The following KIF26B variants were observed in gnomAD, a reference collection of about 807,000 sequenced individuals.
KIF26B encodes kinesin-like protein KIF26B.
KIF26B carries 63 observed loss-of-function variants against 151.2 expected under a neutral mutation model. That is an observed-to-expected ratio of 0.42 (90% CI 0.34 to 0.51). The LOEUF is 0.51. Ranked by LOEUF, KIF26B falls within the 20% of genes least tolerant of loss-of-function variation. The pLI is 0.07. For synonymous variants in KIF26B, 1,357 were observed against 1,262.1 expected (o/e 1.08, Z -1.59); for missense variants, 2,813 against 2,913.6 (o/e 0.97, Z 0.79).
At chr1:245,397,494 G>A (rs1673878089) in intron 3 of KIF26B, among the ~76,000 whole-genome samples, 1 of 152,144 alleles carries the variant, frequency 6.6e-6, no homozygotes, top group African/African-American at 2.4e-5. Flanking sequence ...GGGATTACAG[G>A]CATGATCCAC....
intron 2 of KIF26B, among the ~76,000 whole-genome samples, chr1:245,273,472 C>A (rs990410395): frequency 5.3e-5 from 8 of 150,466 alleles, no homozygotes; most frequent in African/African-American, 1.9e-4. Context: ...ATATTGAAAT[C>A]TCCTACTATT....
chr1:245,409,093 A>G (rs927015452), intron 3 of KIF26B, among the ~76,000 whole-genome samples: 2 of 152,096 alleles, frequency 1.3e-5, no homozygotes, highest in Non-Finnish European at 2.9e-5. Context: ...GTCGCTGAAA[A>G]CACCCCCCAA....
At chr1:245,236,853 C>T (rs1006754856) in intron 2 of KIF26B, among the ~76,000 whole-genome samples, 2 of 152,190 alleles carry the variant, frequency 1.3e-5, no homozygotes, top group Non-Finnish European at 2.9e-5. Context: ...GGGTGGCATG[C>T]AGTAGGTGCC....
intron 2 of KIF26B, among the ~76,000 whole-genome samples, chr1:245,176,047 G>A (rs1412233676): frequency 1.3e-5 from 2 of 151,500 alleles, no homozygotes; most frequent in Non-Finnish European, 2.9e-5. Context: ...CACTCTTGTT[G>A]CCCAGGCTGG....
chr1:245,379,987 A>AAAT (rs60861363), intron 3 of KIF26B, among the ~76,000 whole-genome samples: 12 of 151,042 alleles, frequency 7.9e-5, no homozygotes, highest in African/African-American at 1.7e-4. Context: ...AAAAAAAAAA[A>AAAT]GTCCTCACCT....
At chr1:245,605,780 C>T (rs1010240831) in intron 6 of KIF26B, among the ~76,000 whole-genome samples, 1 of 152,160 alleles carries the variant, frequency 6.6e-6, no homozygotes, top group Non-Finnish European at 1.5e-5. Context: ...TGACCACGCT[C>T]TTCTCAGTGG....
chr1:245,311,404 T>C (rs549048058), intron 2 of KIF26B, among the ~76,000 whole-genome samples: 1 of 151,926 alleles, frequency 6.6e-6, no homozygotes, highest in African/African-American at 2.4e-5. Flanking sequence ...GGCTGCTTTT[T>C]TGGGGAAGTT....
intron 2 of KIF26B, among the ~76,000 whole-genome samples, chr1:245,200,234 C>T (rs1020658236): frequency 1.3e-5 from 2 of 152,152 alleles, no homozygotes; most frequent in Non-Finnish European, 2.9e-5. Flanking sequence ...GGATGTAGGG[C>T]GACTACTGCA....
At chr1:245,274,594 G>A (rs1670908620) in intron 2 of KIF26B, among the ~76,000 whole-genome samples, 2 of 152,264 alleles carry the variant, frequency 1.3e-5, no homozygotes, top group Admixed American at 6.5e-5. Context: ...ATTCCATGGT[G>A]TATATGTGCC....
At chr1:245,430,546 A>G (rs1658752282) in intron 4 of KIF26B, among the ~76,000 whole-genome samples, 1 of 152,086 alleles carries the variant, frequency 6.6e-6, no homozygotes, top group Admixed American at 6.6e-5. Flanking sequence ...ACATACCTGT[A>G]ATCCTAGCTA....
intron 2 of KIF26B, among the ~76,000 whole-genome samples, chr1:245,300,524 T>A (rs543637598): frequency 2.7e-5 from 4 of 150,584 alleles, no homozygotes; most frequent in African/African-American, 9.9e-5. Context: ...AATTATTTTT[T>A]TTCTTTTTTC....
rs1441727354 is a variant in KIF26B at position 245,244,793 on chromosome 1, G to A, written c.465+88110G>A. Among the ~76,000 whole-genome samples the A allele has an allele frequency of 3.7e-5, 2 of 54,112 alleles. No homozygotes were observed. Among genetic ancestry groups the A allele is most frequent in the Non-Finnish European group, 5.5e-5 (1 of 18,148 alleles). The allele number at this position is 54,112 out of a possible 152,430, so 35.5% of individuals were successfully genotyped here. A position where few individuals can be genotyped will look rare whatever the true frequency, so the allele number is the denominator to read the frequency against. ...ACACACACACACACACACACACACA[G>A]AACTGCTTTGGACTTGGATACTTCC... On this transcript the variant is annotated intron_variant, in intron 2 of 14. Transcript: ENST00000407071. This position sits in a 1 kb window ranked among gnomAD's most constrained non-coding sequence, Gnocchi z 4.2.
chr1:245,599,989 T>G (rs2043375024), intron 5 of KIF26B, among the ~76,000 whole-genome samples: 1 of 151,904 alleles, frequency 6.6e-6, no homozygotes, highest in South Asian at 2.1e-4. Context: ...GTATCCTGCT[T>G]GTGATTCACG....
intron 4 of KIF26B, among the ~76,000 whole-genome samples, chr1:245,496,033 A>C (rs28415990): frequency 0.026 from 3,887 of 152,316 alleles, 164 homozygotes; most frequent in African/African-American, 0.088. Context: ...GAAAGAATCC[A>C]TCATCAGTAG....
intron 4 of KIF26B, among the ~76,000 whole-genome samples, chr1:245,539,800 G>A (rs537174124): frequency 2.6e-5 from 4 of 152,076 alleles, no homozygotes; most frequent in Non-Finnish European, 5.9e-5. Context: ...TTACAGGCAT[G>A]CACCACCACA....
chr1:245,650,476 T>C (rs1221410335), intron 10 of KIF26B, among the ~76,000 whole-genome samples: 1 of 152,268 alleles, frequency 6.6e-6, no homozygotes, highest in East Asian at 1.9e-4. Flanking sequence ...TCCCAGCTCA[T>C]CTGAAGGACC....
At position 245,704,697 on chromosome 1, in the gene KIF26B, G is replaced by T. The variant is rs186209857; in HGVS notation, c.*2091G>T. On this transcript the variant is annotated 3_prime_UTR_variant, in exon 15 of 15. Coordinates refer to ENST00000407071, the MANE Select transcript of KIF26B (RefSeq NM_018012.4). Reference sequence around the variant, plus strand: ...AGCTCCTTAACCTTGACCCCATTCTGCAGGACAGTCGCATGCTCTGGGCTC... The same window carrying T: ...AGCTCCTTAACCTTGACCCCATTCTTCAGGACAGTCGCATGCTCTGGGCTC... 55 of 152,354 alleles carry T rather than the reference G, an allele frequency of 3.6e-4. 1 individual carries two copies. Among genetic ancestry groups the T allele is most frequent in the Admixed American group, 3.3e-3 (51 of 15,294 alleles). 9.4% of individuals were successfully genotyped at this position (152,354 alleles called of 1,614,324 possible).
At chr1:245,692,477 G>A (rs746536093) in intron 12 of KIF26B, among the ~76,000 whole-genome samples, 5 of 152,116 alleles carry the variant, frequency 3.3e-5, no homozygotes, top group African/African-American at 7.2e-5. Flanking sequence ...CAGAGAGGGC[G>A]CAGGGCATCG....
intron 5 of KIF26B, among the ~76,000 whole-genome samples, chr1:245,546,812 T>C (rs74154417): frequency 0.029 from 4,473 of 152,328 alleles, 247 homozygotes; most frequent in African/African-American, 0.1. Flanking sequence ...GATAGCTTTG[T>C]AAATTAAATT....
Sources: gnomAD v4.1 joint callset for allele counts (sites outside exome capture counted in the v4.1 genomes callset) on GRCh38, gnomAD v4.1.1 for gene constraint, Gnocchi (gnomAD v3.1) non-coding constraint, MANE v1.5 for transcripts, NCBI Gene and HGNC (gene_info 2026-07-23, HGNC 2026-07-21) for gene names.